Variants in BBS2 observed in about 807,000 individuals in gnomAD.
BBS2 encodes the protein Bardet-Biedl syndrome 2.
A neutral mutation model predicts 83.0 loss-of-function variants in BBS2; 62 were observed. That is an observed-to-expected ratio of 0.75 (90% CI 0.61 to 0.92). BBS2 has a LOEUF of 0.92. Ranked by LOEUF, BBS2 falls within the 40% of genes least tolerant of loss-of-function variation. The pLI is 0.00. For missense variants in BBS2, 784 were observed against 901.0 expected (o/e 0.87, Z 1.66); for synonymous variants, 303 against 326.1 (o/e 0.93, Z 0.76).
At chr16:56,470,470 A>G (rs1488011349) in exon 18 of BBS2, 2 of 1,586,564 alleles carry the variant, frequency 1.3e-6, no homozygotes, top group African/African-American at 1.4e-5. Flanking sequence ...GAACAACTTG[A>G]CATTGCTGTT....
chr16:56,488,266 C>T (rs1463998740), intron 15 of BBS2, among the ~76,000 whole-genome samples: 1 of 152,142 alleles, frequency 6.6e-6, no homozygotes, highest in East Asian at 1.9e-4. Context: ...CGTTCCGACA[C>T]GATTCCCCCG....
In BBS2 at chr16:56,510,008, A is replaced by G; in HGVS notation, c.561T>C (p.Asp187=). The change falls in exon 5 of 17, where the codon GAT becomes GAC. Residue 187 remains aspartate, a synonymous_variant. Coordinates refer to ENST00000245157, the MANE Select transcript of BBS2 (RefSeq NM_031885.5). ...TCTCATCTTCCTTAAAAACTCGGAT[A>G]TCAAAATCCTCAGATCCAACAAGAA... ...KELLVGSEDF[D]IRVFKEDEIV... 6.2e-7 allele frequency: 1 copy of G among 1,614,142 alleles called. No individual in the cohort carries two copies. Among genetic ancestry groups the G allele is most frequent in the Non-Finnish European group, 8.5e-7 (1 of 1,180,000 alleles).
At position 56,500,986 on chromosome 16, in the gene BBS2, A is replaced by C. The variant is rs778493946; in HGVS notation, c.1265T>G (p.Ile422Ser). Reference sequence around the variant, plus strand: ...TACCACGTGGCTTTCACCTGTAAAAATTCCTTCTGCAAAAATCAATACTGC... The same window carrying C: ...TACCACGTGGCTTTCACCTGTAAAACTTCCTTCTGCAAAAATCAATACTGC... The part of the protein sequence containing the change: ...IRAVLIFAEG[I>S]FTGESHVVHP... The change falls in exon 11 of 17, where the codon ATT becomes AGT. Residue 422 changes from isoleucine to serine, a missense_variant. Coordinates refer to ENST00000245157, the MANE Select transcript of BBS2 (RefSeq NM_031885.5). 1.9e-6 allele frequency: 3 copies of C among 1,614,160 alleles called. No homozygotes were observed. Among genetic ancestry groups the C allele is most frequent in the Non-Finnish European group, 2.5e-6 (3 of 1,180,030 alleles).
chr16:56,498,739 C>A, intron 12 of BBS2, 171 bp from the exon 13 acceptor site: 1 of 1,504,106 alleles, frequency 6.6e-7, no homozygotes, highest in Non-Finnish European at 8.8e-7. Flanking sequence ...TCATCCCACA[C>A]CAAGAAAATA....
At chr16:56,511,481 T>C (rs1964575756) in intron 2 of BBS2, among the ~76,000 whole-genome samples, 197 bp from the exon 3 acceptor site, 1 of 152,180 alleles carries the variant, frequency 6.6e-6, no homozygotes, top group Non-Finnish European at 1.5e-5. Flanking sequence ...CCTTCAATAC[T>C]TTCTATTAAG....
downstream of BBS2, among the ~76,000 whole-genome samples, chr16:56,480,357 AAAAAAAAAC>A (rs1352064926): frequency 2.1e-5 from 3 of 143,580 alleles, no homozygotes; most frequent in African/African-American, 5.5e-5. Context: ...ACACACAAAA[AAAAAAAAAC>A]AAAAAAAAAA....
Position 56,501,439 on chromosome 16 carries a change from T to C in BBS2, c.1139A>G (p.Asn380Ser), listed in dbSNP as rs773720173. ...TGAGAGCGTGGTGTGGAGCCTGGTA[T>C]TGGCTGGGATTATGCCCCGATGCCC... ...ADGHRGIIPA[N>S]TRLHTTLSVS... Residue 380 changes from asparagine (N) to serine (S), a missense_variant, in exon 10 of 17, where the codon AAT becomes AGT. Transcript: ENST00000245157. 7 of 1,614,180 alleles carry C rather than the reference T, an allele frequency of 4.3e-6. No homozygotes were observed. In the Admixed American group the frequency reaches 1.2e-4, roughly 27 times the overall value.
At chr16:56,484,981 A>G in intron 16 of BBS2, 114 bp from the exon 17 acceptor site, 1 of 804,000 alleles carries the variant, frequency 1.2e-6, no homozygotes. Context: ...TACTTGAAAT[A>G]TGATTTATCT....
chr16:56,516,333 C>A (rs1199194971), intron 1 of BBS2, among the ~76,000 whole-genome samples: 1 of 152,160 alleles, frequency 6.6e-6, no homozygotes, highest in Non-Finnish European at 1.5e-5. Context: ...CTAAGCATTA[C>A]CATGAGAGAA....
Position 56,502,821 on chromosome 16 carries a change from C to A in BBS2, c.805-13G>T. ...TTCGAGCATCAACCTACAAATAAAA[C>A]ACAAATTTAAAAGTTGCTTATGCTA... On this transcript the variant is annotated splice_polypyrimidine_tract_variant and intron_variant, in intron 7 of 16. Transcript: ENST00000245157. The A allele has an allele frequency of 1.2e-6, 2 of 1,614,058 alleles. No homozygotes were observed. Among genetic ancestry groups the A allele is most frequent in the Non-Finnish European group, 1.7e-6 (2 of 1,180,000 alleles).
intron 2 of BBS2, among the ~76,000 whole-genome samples, chr16:56,513,020 TAC>T (rs1235383027): frequency 6.6e-6 from 1 of 152,030 alleles, no homozygotes; most frequent in East Asian, 1.9e-4. Context: ...GGTGTGGTAG[TAC>T]ACACCTGTAG....
chr16:56,512,587 C>T (rs1964610903), intron 2 of BBS2, among the ~76,000 whole-genome samples: 1 of 152,082 alleles, frequency 6.6e-6, no homozygotes, highest in South Asian at 2.1e-4. Flanking sequence ...ATAATTCTTA[C>T]AAGTATTATG....
At chr16:56,507,663 C>T (rs1438136759) in intron 5 of BBS2, among the ~76,000 whole-genome samples, 1 of 151,960 alleles carries the variant, frequency 6.6e-6, no homozygotes, top group African/African-American at 2.4e-5. Context: ...CATATAAGCA[C>T]ATACACACAA....
Position 56,470,570 on chromosome 16 carries a change from T to TGCTGCTCTCCAA in BBS2, c.*114_*125dup, listed in dbSNP as rs1434205684. 3 of 1,614,088 alleles carry TGCTGCTCTCCAA rather than the reference T, an allele frequency of 1.9e-6. No homozygotes were observed. In the East Asian group the frequency reaches 6.7e-5, roughly 36 times the overall value. On this transcript the variant is annotated 3_prime_UTR_variant, in exon 18 of 18. Transcript: ENST00000682047. ...TTATTTCGCTCTGAGGCACTATTCT[T>TGCTGCTCTCCAA]GCTGCTCTCCAACTTCACAGGCCTG...
Position 56,511,184 on chromosome 16 carries a change from T to A in BBS2, c.446A>T (p.His149Leu). ...GGNCALQGFNHEGSDLFWTVT... is the reference protein window; with the variant it reads ...GGNCALQGFNLEGSDLFWTVT... ...CGTCCAAAAGAGATCACTTCCTTCA[T>A]GATTGAAACCTTGCAGAGCACAATT... Residue 149 changes from histidine (H) to leucine (L), a missense_variant, in exon 3 of 17, where the codon CAT (histidine) becomes CTT (leucine). His to Leu is a moderately conservative substitution (Grantham distance 99). Transcript: ENST00000245157. 1.2e-6 allele frequency: 2 copies of A among 1,614,138 alleles called. No homozygotes were observed. Among genetic ancestry groups the A allele is most frequent in the Non-Finnish European group, 1.7e-6 (2 of 1,180,022 alleles).
Position 56,484,826 on chromosome 16 carries a change from C to T in BBS2, c.2101G>A (p.Ala701Thr). ...GTGTTGATGTTATTGCTTCGAATTGCATCCCGACAAGCAGTGATCACCTGG... is the reference window on the plus strand; with the variant it reads ...GTGTTGATGTTATTGCTTCGAATTGTATCCCGACAAGCAGTGATCACCTGG... ...KNQVITACRDAIRSNNINTLF... is the reference protein window; with the variant it reads ...KNQVITACRDTIRSNNINTLF... Residue 701 changes from alanine (A) to threonine (T), a missense_variant, in exon 17 of 17, where the codon GCA becomes ACA. Coordinates refer to ENST00000245157, the MANE Select transcript of BBS2 (RefSeq NM_031885.5). The T allele has an allele frequency of 1.2e-6, 2 of 1,614,026 alleles. No individual in the cohort carries two copies. The highest frequency in any genetic ancestry group is 8.5e-7 in the Non-Finnish European group (1 of 1,179,926).
At chr16:56,475,026 G>A in intron 17 of BBS2, 1 of 1,477,558 alleles carries the variant, frequency 6.8e-7, no homozygotes, top group Non-Finnish European at 9.3e-7. Context: ...CTTTCCAGCT[G>A]AACCAATTCA....
chr16:56,518,383 G>A (rs1488974710), intron 1 of BBS2, among the ~76,000 whole-genome samples: 1 of 152,196 alleles, frequency 6.6e-6, no homozygotes, highest in Non-Finnish European at 1.5e-5. Flanking sequence ...TCCAAGCACT[G>A]TATTGAACCT....
At chr16:56,487,059 A>G (rs1963803786) in intron 15 of BBS2, among the ~76,000 whole-genome samples, 2 of 152,218 alleles carry the variant, frequency 1.3e-5, no homozygotes, top group South Asian at 4.1e-4. Context: ...CCACCCGGCC[A>G]GTGATAGAAA....
Sources: allele counts gnomAD v4.1 joint callset (sites outside exome capture counted in the v4.1 genomes callset), GRCh38; gene constraint gnomAD v4.1.1; transcripts MANE v1.5; gene names NCBI Gene and HGNC (gene_info 2026-07-23, HGNC 2026-07-21).